C1orf94: variants seen among roughly 807,000 people sequenced by gnomAD.
The protein encoded by C1orf94 is uncharacterized protein C1orf94.
C1orf94 carries 45 observed loss-of-function variants against 53.6 expected under a neutral mutation model. The ratio of observed to expected loss-of-function variants is 0.84; its 90% confidence interval spans 0.66 to 1.08. The LOEUF (loss-of-function observed/expected upper bound fraction) is 1.08. Ranked by LOEUF, C1orf94 falls within the 50% of genes least tolerant of loss-of-function variation. The pLI is 0.00. For missense variants in C1orf94, 762 were observed against 738.9 expected (o/e 1.03, Z -0.36); for synonymous variants, 304 against 296.1 (o/e 1.03, Z -0.27).
chr1:34,206,149 G>A (rs1382475955), intron 4 of C1orf94, among the ~76,000 whole-genome samples: 1 of 152,152 alleles, frequency 6.6e-6, no homozygotes, highest in Non-Finnish European at 1.5e-5. Flanking sequence ...GTGGGATGGT[G>A]GAGGCTGGGG....
intron 1 of C1orf94, among the ~76,000 whole-genome samples, chr1:34,195,655 A>C (rs1440136557): frequency 1.3e-5 from 2 of 152,136 alleles, no homozygotes; most frequent in Non-Finnish European, 2.9e-5. Context: ...CCTGTCTGGC[A>C]CAATAGGAAG....
At chr1:34,216,488 C>T (rs376757933) in intron 6 of C1orf94, among the ~76,000 whole-genome samples, 4 of 151,930 alleles carry the variant, frequency 2.6e-5, no homozygotes, top group Admixed American at 2.0e-4. Flanking sequence ...GGGGTGGTGA[C>T]GCGAGGTGCT....
intron 4 of C1orf94, among the ~76,000 whole-genome samples, chr1:34,206,700 C>T (rs1642800285): frequency 6.6e-6 from 1 of 152,170 alleles, no homozygotes; most frequent in African/African-American, 2.4e-5. Flanking sequence ...GGGCTGAGAA[C>T]AGGTAAGGCA....
chr1:34,202,260 G>C lies in C1orf94; in HGVS notation c.1446+1G>C. The C allele has an allele frequency of 6.2e-7, 1 of 1,613,904 alleles. No homozygotes were observed. The highest frequency in any genetic ancestry group is 2.2e-5 in the East Asian group (1 of 44,858). On this transcript the variant is annotated splice_donor_variant, in intron 4 of 6. Coordinates refer to ENST00000488417, the MANE Select transcript of C1orf94 (RefSeq NM_001134734.2). LOFTEE classifies it high-confidence loss of function. ...TCACTCTACCTTCTTGCAGTATCAGGTCAGTGAGCTGGCCTGGCTCTCCTG... is the reference window on the plus strand; with the variant it reads ...TCACTCTACCTTCTTGCAGTATCAGCTCAGTGAGCTGGCCTGGCTCTCCTG...
chr1:34,182,240 G>A (rs906640324), intron 1 of C1orf94, among the ~76,000 whole-genome samples: 2 of 152,182 alleles, frequency 1.3e-5, no homozygotes, highest in Non-Finnish European at 1.5e-5. Flanking sequence ...TGTGAGGTGG[G>A]AGTGAGCTTT....
rs572899602 is a variant in C1orf94 at position 34,187,817 on chromosome 1, C to T, written c.321-9408C>T. On this transcript the variant is annotated intron_variant, in intron 1 of 6. Transcript: ENST00000488417. The stretch of plus-strand genomic sequence containing the variant: ...CACCACCCAACACTTCTAGTTCTTG[C>T]CCAACTCACCTGTTCCCTGGAGGGA... Among the ~76,000 whole-genome samples the T allele has an allele frequency of 5.3e-5, 7 of 131,486 alleles. No homozygotes were observed. The East Asian group carries it at 1.8e-3, about 34-fold the overall frequency. 86.3% of individuals were successfully genotyped at this position (131,486 alleles called of 152,430 possible).
rs705207 is a variant in C1orf94, at chr1:34,218,862, G to A, written c.*101G>A. The A allele has an allele frequency of 0.74, 786,074 of 1,059,236 alleles. 292,096 individuals carry two copies. Among genetic ancestry groups the A allele is most frequent in the Admixed American group, 0.8 (33,753 of 42,322 alleles). 65.6% of individuals were successfully genotyped at this position (1,059,236 alleles called of 1,614,324 possible). A position where few individuals can be genotyped will look rare whatever the true frequency, so the allele number is the denominator to read the frequency against. On this transcript the variant is annotated 3_prime_UTR_variant, in exon 7 of 7. Transcript: ENST00000488417. ...CTTGGTATGAAGTTTGGAAAAGCAAGGTTCTGACCAGGTCACAGACAAAAC... is the reference window on the plus strand; with the variant it reads ...CTTGGTATGAAGTTTGGAAAAGCAAAGTTCTGACCAGGTCACAGACAAAAC...
intron 5 of C1orf94, among the ~76,000 whole-genome samples, 154 bp downstream of exon 5, chr1:34,208,388 A>G (rs534570884): frequency 8.1e-4 from 123 of 152,328 alleles, no homozygotes; most frequent in Non-Finnish European, 1.4e-3. Context: ...ATGCGTGTGG[A>G]AAACACAAAC....
At chr1:34,174,209 C>T (rs1030013222), upstream of C1orf94, among the ~76,000 whole-genome samples, 3 of 152,228 alleles carry the variant, frequency 2.0e-5, no homozygotes, top group Non-Finnish European at 2.9e-5. Flanking sequence ...ACAATTCTCC[C>T]TCTCTACACA....
intron 6 of C1orf94, among the ~76,000 whole-genome samples, chr1:34,218,444 C>T (rs1457782748): frequency 6.6e-6 from 1 of 152,012 alleles, no homozygotes; most frequent in Non-Finnish European, 1.5e-5. Flanking sequence ...TCTTTACAGG[C>T]TCCCAGGGAC....
At chr1:34,175,809 C>T (rs80066097), upstream of C1orf94, among the ~76,000 whole-genome samples, 2 of 152,176 alleles carry the variant, frequency 1.3e-5, no homozygotes, top group East Asian at 1.9e-4. Context: ...TCAAAGAAGT[C>T]GGCCTGGACC....
In C1orf94 at chr1:34,197,986, G is replaced by C. The variant is rs142369836; in HGVS notation, c.1009+73G>C. 1.3e-3 allele frequency: 1,874 copies of C among 1,416,792 alleles called. 20 individuals carry two copies. In the African/African-American group the frequency reaches 0.024, roughly 18 times the overall value. 87.8% of individuals were successfully genotyped at this position (1,416,792 alleles called of 1,614,324 possible). Reference sequence around the variant, plus strand: ...CCTTCCCAGGAAGCCAATCAGGGCTGCAGCATGTACATAAAGCATCTTCAT... The same window carrying C: ...CCTTCCCAGGAAGCCAATCAGGGCTCCAGCATGTACATAAAGCATCTTCAT... On this transcript the variant is annotated intron_variant, in intron 2 of 6. Transcript: ENST00000488417. The surrounding 1 kb of genome is among the most constrained non-coding windows in gnomAD (Gnocchi z 4.1).
At chr1:34,176,850 G>T (rs1642232901), upstream of C1orf94, among the ~76,000 whole-genome samples, 1 of 152,126 alleles carries the variant, frequency 6.6e-6, no homozygotes, top group East Asian at 1.9e-4. Context: ...GGGTCCTTTG[G>T]GCCCCACCCC....
At chr1:34,212,682 C>T (rs1273557860) in intron 6 of C1orf94, among the ~76,000 whole-genome samples, 3 of 152,214 alleles carry the variant, frequency 2.0e-5, no homozygotes, top group Non-Finnish European at 2.9e-5. Flanking sequence ...GATACCCCTA[C>T]TCCATAGGCA....
chr1:34,208,244 C>G lies in C1orf94; in HGVS notation c.1524+10C>G, dbSNP rs114229205. ...ATGTTACTCCCAACAGGTGAGTAGA[C>G]GATCTCTCCTCCTCTGTCCTGGGTC... On this transcript the variant is annotated intron_variant, in intron 5 of 6. Transcript: ENST00000488417. The G allele has an allele frequency of 1.2e-6, 2 of 1,612,592 alleles. No homozygotes were observed. The highest frequency in any genetic ancestry group is 3.3e-5 in the Admixed American group (2 of 59,926).
rs145943476 is a variant in C1orf94, at chr1:34,187,370, C to T, written c.320+9261C>T. 4.6e-5 allele frequency among the ~76,000 whole-genome samples: 7 copies of T among 152,206 alleles called. No individual in the cohort carries two copies. In the East Asian group the frequency reaches 9.7e-4, roughly 21 times the overall value. On this transcript the variant is annotated intron_variant, in intron 1 of 6. Transcript: ENST00000488417. ...TGGGCCCTTCCGAATAGCCCTTCCA[C>T]GTCTGCTTAGTACCAGGAGCCATGA... is the stretch of plus-strand genomic sequence containing the variant.
In C1orf94 at chr1:34,197,831, T is replaced by C; in HGVS notation, c.927T>C (p.Ala309=). ...CTGACAAGCTCCCTGAGCTCCCTGC[T>C]CAGAAGAGGCAGCTCCCAGTGTTTG... ...ARPDKLPELP[A]QKRQLPVFAK... is the part of the protein sequence containing the mutation. The change falls in exon 2 of 7, where the codon GCT becomes GCC. Residue 309 remains alanine, a synonymous_variant. Coordinates refer to ENST00000488417, the MANE Select transcript of C1orf94 (RefSeq NM_001134734.2). The surrounding 1 kb of genome is among the most constrained non-coding windows in gnomAD (Gnocchi z 4.1). 1 of 1,614,156 alleles carries C rather than the reference T, an allele frequency of 6.2e-7. No individual in the cohort carries two copies. Among genetic ancestry groups the C allele is most frequent in the Non-Finnish European group, 8.5e-7 (1 of 1,180,028 alleles).
intron 1 of C1orf94, among the ~76,000 whole-genome samples, chr1:34,179,798 A>G (rs1326124433): frequency 1.3e-5 from 2 of 152,120 alleles, no homozygotes; most frequent in African/African-American, 4.8e-5. Flanking sequence ...TGCTCCATAT[A>G]CCTCAAGGTG....
rs1211599257 is a variant in C1orf94, at chr1:34,177,739, C to G, written c.-51C>G. ...CCACCTTGCTGGAGCGAAAGCCAGA[C>G]AGAACTGACCCACTTCTGCCAAGCC... On this transcript the variant is annotated 5_prime_UTR_variant, in exon 1 of 7. Coordinates refer to ENST00000488417, the MANE Select transcript of C1orf94 (RefSeq NM_001134734.2). 6.8e-7 allele frequency: 1 copy of G among 1,467,184 alleles called. No individual in the cohort carries two copies. The highest frequency in any genetic ancestry group is 9.1e-7 in the Non-Finnish European group (1 of 1,100,936). The allele number at this position is 1,467,184 out of a possible 1,614,324, so 90.9% of individuals were successfully genotyped here. A position where few individuals can be genotyped will look rare whatever the true frequency, so the allele number is the denominator to read the frequency against.
Sources: allele counts gnomAD v4.1 joint callset (sites outside exome capture counted in the v4.1 genomes callset), GRCh38; gene constraint gnomAD v4.1.1; non-coding constraint Gnocchi (gnomAD v3.1); transcripts MANE v1.5; gene names NCBI Gene and HGNC (gene_info 2026-07-23, HGNC 2026-07-21).